The following SFMBT2 variants were observed in gnomAD, a reference collection of about 807,000 sequenced individuals.
SFMBT2 encodes scm-like with four MBT domains protein 2.
Under a neutral mutation model 110.1 loss-of-function variants are expected in SFMBT2, and 38 were observed. The ratio of observed to expected loss-of-function variants is 0.35; its 90% CI spans 0.27 to 0.45. The LOEUF is 0.45. Ranked by LOEUF, SFMBT2 falls within the 20% of genes least tolerant of loss-of-function variation. The probability of loss-of-function intolerance (pLI) is 1.00; values close to 1 mark genes in which losing one functional copy is unlikely to be tolerated. For missense variants in SFMBT2, 1,011 were observed against 1,094.9 expected (o/e 0.92, Z 1.08); for synonymous variants, 425 against 425.4 (o/e 1.00, Z 0.01).
chr10:7,261,712 C>T (rs1431101451), intron 7 of SFMBT2, among the ~76,000 whole-genome samples: 1 of 152,182 alleles, frequency 6.6e-6, no homozygotes, highest in Non-Finnish European at 1.5e-5. Context: ...CTAAACTGAG[C>T]CTTTCCTTTC....
rs149000812 is a variant in SFMBT2 at position 7,348,466 on chromosome 10, T to A, written c.436+19183A>T. 8.1e-4 allele frequency: 504 copies of A among 622,090 alleles called. 1 individual carries two copies. The highest frequency in any genetic ancestry group is 2.1e-3 in the Admixed American group (50 of 24,288). 38.5% of individuals were successfully genotyped at this position (622,090 alleles called of 1,614,324 possible). A position where few individuals can be genotyped will look rare whatever the true frequency, so the allele number is the denominator to read the frequency against. The stretch of plus-strand genomic sequence containing the variant: ...GGCTTTTCAAAAAATTGACATTGTT[T>A]AATCAACTCTACTTAACAGCTCTGT... On this transcript the variant is annotated intron_variant, in intron 4 of 20. Transcript: ENST00000397167.
chr10:7,306,610 G>A (rs1842705561), intron 4 of SFMBT2, among the ~76,000 whole-genome samples: 1 of 151,628 alleles, frequency 6.6e-6, no homozygotes, highest in Non-Finnish European at 1.5e-5. Flanking sequence ...CAATGGATCA[G>A]ATAATATCTA....
At chr10:7,212,103 G>A (rs768961982) in intron 11 of SFMBT2, among the ~76,000 whole-genome samples, 3 of 152,216 alleles carry the variant, frequency 2.0e-5, no homozygotes, top group African/African-American at 4.8e-5. Flanking sequence ...GGGACTTGGA[G>A]GCACTAGGTC....
At chr10:7,205,734 TA>T in intron 12 of SFMBT2, 80 bp downstream of exon 12, 2 of 1,518,028 alleles carry the variant, frequency 1.3e-6, no homozygotes, top group Non-Finnish European at 1.8e-6. Context: ...AGAACTTGGT[TA>T]TAATTTCTTT....
intron 9 of SFMBT2, among the ~76,000 whole-genome samples, chr10:7,240,532 G>C (rs904749946): frequency 6.6e-6 from 1 of 152,166 alleles, no homozygotes; most frequent in African/African-American, 2.4e-5. Flanking sequence ...TCCAGAAGTG[G>C]AATTACTGAG....
At chr10:7,186,459 C>CACACATATATATATATAT (rs748644225) in intron 16 of SFMBT2, among the ~76,000 whole-genome samples, 3 of 126,910 alleles carry the variant, frequency 2.4e-5, no homozygotes, top group African/African-American at 6.5e-5. Context: ...CACACACACA[C>CACACATATATATATATAT]ATATATATAT....
intron 9 of SFMBT2, among the ~76,000 whole-genome samples, chr10:7,229,647 C>T (rs1461896889): frequency 1.3e-5 from 2 of 150,442 alleles, no homozygotes; most frequent in Non-Finnish European, 3.0e-5. Context: ...ATACTGGTTG[C>T]CTCCACTTGT....
intron 7 of SFMBT2, among the ~76,000 whole-genome samples, chr10:7,257,215 T>C (rs1339523365): frequency 6.6e-6 from 1 of 152,158 alleles, no homozygotes; most frequent in East Asian, 1.9e-4. Context: ...AATATCTTGG[T>C]GTCCTGACTT....
chr10:7,241,587 G>A (rs1383743569), intron 9 of SFMBT2, among the ~76,000 whole-genome samples: 2 of 152,072 alleles, frequency 1.3e-5, no homozygotes, highest in Non-Finnish European at 2.9e-5. Context: ...TAAATATTAT[G>A]TATAAAAAGC....
In SFMBT2 at chr10:7,228,672, C is replaced by CTTCTTTCTTTCT. The variant is rs60421208; in HGVS notation, c.1121-747_1121-736dup. On this transcript the variant is annotated intron_variant, in intron 9 of 20. Transcript: ENST00000397167. The stretch of plus-strand genomic sequence containing the variant: ...CCAACTACAGATCCTACTAAAGTGG[C>CTTCTTTCTTTCT]TTCTTTCTTTCTTTCTTTCTTTCTT... Among the ~76,000 whole-genome samples, 36 of 84,994 alleles carry CTTCTTTCTTTCT rather than the reference C, an allele frequency of 4.2e-4. 1 individual carries two copies. The highest frequency in any genetic ancestry group is 1.8e-3 in the East Asian group (5 of 2,766). 55.8% of individuals were successfully genotyped at this position (84,994 alleles called of 152,430 possible).
At chr10:7,202,794 A>ACCTGTTGCTT in intron 12 of SFMBT2, 1 of 985,418 alleles carries the variant, frequency 1.0e-6, no homozygotes, top group Middle Eastern at 5.2e-4. Flanking sequence ...TTAAGAAAGC[A>ACCTGTTGCTT]AAAGAGTACA....
intron 8 of SFMBT2, chr10:7,244,142 G>GAAAGCTCCAAGCCA: frequency 2.9e-6 from 1 of 340,754 alleles, no homozygotes; most frequent in Non-Finnish European, 4.2e-6. Context: ...GATCTGGCTT[G>GAAAGCTCCAAGCCA]GAGCTTTCTA....
chr10:7,400,815 T>C (rs1846057809), intron 1 of SFMBT2, among the ~76,000 whole-genome samples: 1 of 152,204 alleles, frequency 6.6e-6, no homozygotes, highest in Admixed American at 6.5e-5. Flanking sequence ...GGATCTCACC[T>C]GCCACAGAGC....
chr10:7,223,372 G>A (rs968427005), intron 10 of SFMBT2, among the ~76,000 whole-genome samples: 2 of 151,996 alleles, frequency 1.3e-5, no homozygotes, highest in Non-Finnish European at 2.9e-5. Flanking sequence ...GCTTGCATTT[G>A]CCCTGCTGAC....
intron 9 of SFMBT2, among the ~76,000 whole-genome samples, chr10:7,236,452 C>T (rs1840257967): frequency 6.6e-6 from 1 of 151,890 alleles, no homozygotes; most frequent in Non-Finnish European, 1.5e-5. Context: ...ACTGAAGAGG[C>T]AGAATAAAAA....
chr10:7,245,339 A>G (rs2692818), intron 8 of SFMBT2, among the ~76,000 whole-genome samples: 4,358 of 151,630 alleles, frequency 0.029, 91 homozygotes, highest in African/African-American at 0.053. Context: ...TATTTAGTCT[A>G]TCTTGCATAT....
intron 2 of SFMBT2, among the ~76,000 whole-genome samples, chr10:7,372,803 G>A (rs1253324108): frequency 6.6e-6 from 1 of 152,200 alleles, no homozygotes; most frequent in African/African-American, 2.4e-5. Context: ...AGTATCTAAG[G>A]ATAGCAAACT....
At chr10:7,390,715 T>TG (rs2132103078) in intron 1 of SFMBT2, among the ~76,000 whole-genome samples, 2 of 152,360 alleles carry the variant, frequency 1.3e-5, no homozygotes, top group African/African-American at 4.8e-5. Context: ...TCAAGTCTTA[T>TG]GACTCCTCAT....
chr10:7,364,387 G>A (rs1844824800), intron 4 of SFMBT2, among the ~76,000 whole-genome samples: 1 of 152,180 alleles, frequency 6.6e-6, no homozygotes, highest in Admixed American at 6.5e-5. Context: ...GTGTGACTGT[G>A]GCAAAGTCAG....
Sources: gnomAD v4.1 joint callset for allele counts (sites outside exome capture counted in the v4.1 genomes callset) on GRCh38, gnomAD v4.1.1 for gene constraint, MANE v1.5 for transcripts, NCBI Gene and HGNC (gene_info 2026-07-23, HGNC 2026-07-21) for gene names.